CAPN1: variants seen among roughly 807,000 people sequenced by gnomAD.
The protein encoded by CAPN1 is calpain 1, also known as calpain-1 catalytic subunit.
In CAPN1, 77 loss-of-function variants were observed where a neutral mutation model predicts 105.2. The ratio of observed to expected loss-of-function variants is 0.73; its 90% CI spans 0.61 to 0.88. The LOEUF (loss-of-function observed/expected upper bound fraction) is 0.88. Ranked by LOEUF, CAPN1 falls within the 40% of genes least tolerant of loss-of-function variation. The probability of loss-of-function intolerance (pLI) is 0.00; values close to 1 mark genes in which losing one functional copy is unlikely to be tolerated. For synonymous variants in CAPN1, 355 were observed against 388.8 expected, an observed-to-expected ratio of 0.91 and a Z score of 1.02; for missense variants, 833 against 976.6, an observed-to-expected ratio of 0.85 and a Z score of 1.96.
At position 65,185,974 on chromosome 11, in the gene CAPN1, G is replaced by A; in HGVS notation, c.514G>A (p.Asp172Asn). Residue 172 changes from aspartate (D) to asparagine (N), a missense_variant, in exon 5 of 22, where the codon GAC becomes AAC. Coordinates refer to ENST00000279247, the MANE Select transcript of CAPN1 (RefSeq NM_005186.4). The part of the protein sequence containing the change: ...VVVDDLLPIK[D>N]GKLVFVHSAE... ...CGTGGATGACCTGCTGCCCATCAAG[G>A]ACGGGAAGCTAGTGTTCGTGCACTC... 1.2e-6 allele frequency: 2 copies of A among 1,602,386 alleles called. No homozygotes were observed. Among genetic ancestry groups the A allele is most frequent in the Non-Finnish European group, 1.7e-6 (2 of 1,174,416 alleles).
chr11:65,191,075 T>A (rs1462523777), intron 10 of CAPN1, among the ~76,000 whole-genome samples: 2 of 152,236 alleles, frequency 1.3e-5, no homozygotes, highest in Non-Finnish European at 2.9e-5. Context: ...GAAAAACCAT[T>A]TTGAGATTTT....
chr11:65,209,952 G>A lies in CAPN1; in HGVS notation c.1863+35G>A, dbSNP rs772550539. On this transcript the variant is annotated intron_variant, in intron 18 of 21. Coordinates refer to ENST00000279247, the MANE Select transcript of CAPN1 (RefSeq NM_005186.4). The surrounding 1 kb of genome is among the most constrained non-coding windows in gnomAD (Gnocchi z 4.1). The stretch of plus-strand genomic sequence containing the variant: ...CCCCACTCACCTCAGTCATGCAGGT[G>A]CGGGCCGGGCAGGTGGGAAGGGCCG... 1.2e-6 allele frequency: 2 copies of A among 1,612,810 alleles called. No individual in the cohort carries two copies. The highest frequency in any genetic ancestry group is 1.1e-5 in the South Asian group (1 of 91,066).
Position 65,208,422 on chromosome 11 carries a change from C to T in CAPN1, c.1729+160C>T. The T allele has an allele frequency of 1.4e-6, 1 of 695,330 alleles. No homozygotes were observed. Among genetic ancestry groups the T allele is most frequent in the Admixed American group, 2.2e-5 (1 of 46,410 alleles). 43.1% of individuals were successfully genotyped at this position (695,330 alleles called of 1,614,324 possible). A position where few individuals can be genotyped will look rare whatever the true frequency, so the allele number is the denominator to read the frequency against. On this transcript the variant is annotated intron_variant, in intron 16 of 21. Transcript: ENST00000279247. This position sits in a 1 kb window ranked among gnomAD's most constrained non-coding sequence, Gnocchi z 4.1. ...AGTTCCCTGCCATTTCCATCCCATACTCCTCCTCCTGACCTGCCATCCTGA... is the reference window on the plus strand; with the variant it reads ...AGTTCCCTGCCATTTCCATCCCATATTCCTCCTCCTGACCTGCCATCCTGA...
rs552760543 is a variant in CAPN1 at position 65,188,299 on chromosome 11, T to C, written c.930-115T>C. On this transcript the variant is annotated intron_variant, in intron 8 of 21. Transcript: ENST00000279247. This position sits in a 1 kb window ranked among gnomAD's most constrained non-coding sequence, Gnocchi z 5.5. Reference sequence around the variant, plus strand: ...GAAGCGGAACCTTGGCGCTTGACCTTGAGGAGGCCACCTGGGCTGGGCCGG... The same window carrying C: ...GAAGCGGAACCTTGGCGCTTGACCTCGAGGAGGCCACCTGGGCTGGGCCGG... The C allele has an allele frequency of 4.5e-5, 43 of 946,550 alleles. No individual in the cohort carries two copies. In the Admixed American group the frequency reaches 9.5e-4, roughly 21 times the overall value. 58.6% of individuals were successfully genotyped at this position (946,550 alleles called of 1,614,324 possible). A position where few individuals can be genotyped will look rare whatever the true frequency, so the allele number is the denominator to read the frequency against.
chr11:65,204,893 G>C (rs774248308), intron 11 of CAPN1, 35 bp downstream of exon 11: 1 of 1,570,804 alleles, frequency 6.4e-7, no homozygotes, highest in Non-Finnish European at 8.7e-7. Flanking sequence ...ATCTCACTGA[G>C]CAGGCAGAGG....
At chr11:65,192,351 A>G (rs549059455) in intron 10 of CAPN1, among the ~76,000 whole-genome samples, 1 of 152,352 alleles carries the variant, frequency 6.6e-6, no homozygotes, top group East Asian at 1.9e-4. Context: ...TTCCTTTCTT[A>G]TACTAACCAT....
chr11:65,181,617 C>A (rs562239019), upstream of CAPN1: 8 of 407,514 alleles, frequency 2.0e-5, no homozygotes, highest in Non-Finnish European at 3.4e-5. This position sits in a 1 kb window ranked among gnomAD's most constrained non-coding sequence, Gnocchi z 4.6. Flanking sequence ...AAAAATACCC[C>A]CTGCCCGGCC....
In CAPN1 at chr11:65,188,072, T is replaced by C. The variant is rs776612964; in HGVS notation, c.929+32T>C. On this transcript the variant is annotated intron_variant, in intron 8 of 21. Coordinates refer to ENST00000279247, the MANE Select transcript of CAPN1 (RefSeq NM_005186.4). This position sits in a 1 kb window ranked among gnomAD's most constrained non-coding sequence, Gnocchi z 5.5. Reference sequence around the variant, plus strand: ...GGCAGTGGGCACTGTCTGGAGTGCCTTGGGGAAACTGTTAGGTGCCCCGAC... The same window carrying C: ...GGCAGTGGGCACTGTCTGGAGTGCCCTGGGGAAACTGTTAGGTGCCCCGAC... 2.1e-6 allele frequency: 3 copies of C among 1,422,770 alleles called. No individual in the cohort carries two copies. The highest frequency in any genetic ancestry group is 1.9e-6 in the Non-Finnish European group (2 of 1,041,068). The allele number at this position is 1,422,770 out of a possible 1,614,324, so 88.1% of individuals were successfully genotyped here. A position where few individuals can be genotyped will look rare whatever the true frequency, so the allele number is the denominator to read the frequency against.
At chr11:65,193,390 A>G (rs1017398577) in intron 10 of CAPN1, among the ~76,000 whole-genome samples, 1 of 151,922 alleles carries the variant, frequency 6.6e-6, no homozygotes, top group Non-Finnish European at 1.5e-5. Context: ...GAAGTTTGTC[A>G]ATATAAATCT....
rs1208006455 is a variant in CAPN1, at chr11:65,186,212, A to C, written c.633A>C (p.Ser211=). 1 of 1,613,718 alleles carries C rather than the reference A, an allele frequency of 6.2e-7. No individual in the cohort carries two copies. Among genetic ancestry groups the C allele is most frequent in the African/African-American group, 1.3e-5 (1 of 75,010 alleles). The change falls in exon 6 of 22, where the codon TCA becomes TCC. Residue 211 remains serine, a synonymous_variant. Coordinates refer to ENST00000279247, the MANE Select transcript of CAPN1 (RefSeq NM_005186.4). The part of the protein sequence containing the change: ...SYEALSGGST[S]EGFEDFTGGV... ...AGGCCCTGTCAGGGGGCAGCACCTC[A>C]GAGGGCTTTGAGGACTTCACAGGCG...
At chr11:65,184,551 C>A (rs1309565093) in intron 4 of CAPN1, among the ~76,000 whole-genome samples, 2 of 150,312 alleles carry the variant, frequency 1.3e-5, no homozygotes, top group East Asian at 2.0e-4. Flanking sequence ...TGACCCCAGA[C>A]GCCTTCGGCC....
intron 10 of CAPN1, among the ~76,000 whole-genome samples, chr11:65,201,236 G>A (rs1334779919): frequency 1.3e-5 from 2 of 151,538 alleles, no homozygotes; most frequent in African/African-American, 4.9e-5. Context: ...GAGCCACCAC[G>A]CCTGGTCGTC....
Position 65,210,193 on chromosome 11 carries a change from C to T in CAPN1, c.1942+97C>T. The T allele has an allele frequency of 8.4e-7, 1 of 1,188,936 alleles. No individual in the cohort carries two copies. Among genetic ancestry groups the T allele is most frequent in the Non-Finnish European group, 1.2e-6 (1 of 800,282 alleles). The allele number at this position is 1,188,936 out of a possible 1,614,324, so 73.6% of individuals were successfully genotyped here. The stretch of plus-strand genomic sequence containing the variant: ...CTTGTCCCTGGGGTGCTAGTGGTGA[C>T]ATGGTAACAGCCATCTTGTCCTTTT... On this transcript the variant is annotated intron_variant, in intron 19 of 21. Coordinates refer to ENST00000279247, the MANE Select transcript of CAPN1 (RefSeq NM_005186.4). This position sits in a 1 kb window ranked among gnomAD's most constrained non-coding sequence, Gnocchi z 4.3.
At chr11:65,205,634 C>A in intron 11 of CAPN1, 76 bp from the exon 12 acceptor site, 2 of 1,442,262 alleles carry the variant, frequency 1.4e-6, no homozygotes, top group Non-Finnish European at 2.0e-6. Context: ...GAACTCAAGA[C>A]CTCTGCCCAG....
At chr11:65,206,963 C>A in intron 14 of CAPN1, 144 bp downstream of exon 14, 1 of 718,008 alleles carries the variant, frequency 1.4e-6, no homozygotes. Flanking sequence ...TAGTGCTAAT[C>A]CCTCATCCGC....
chr11:65,201,364 G>A (rs1381108152), intron 10 of CAPN1, among the ~76,000 whole-genome samples: 1 of 152,114 alleles, frequency 6.6e-6, no homozygotes, highest in African/African-American at 2.4e-5. Context: ...TGGGATTACA[G>A]TCCATCAGCC....
In CAPN1 at chr11:65,183,579, T is replaced by C; in HGVS notation, c.443T>C (p.Ile148Thr). Residue 148 changes from isoleucine (I) to threonine (T), a missense_variant, in exon 4 of 22, where the codon ATC becomes ACC. Ile to Thr is a moderately conservative substitution (Grantham distance 89). Coordinates refer to ENST00000279247, the MANE Select transcript of CAPN1 (RefSeq NM_005186.4). ...GQSFQNGYAG[I>T]FHFQLWQFGE... is the part of the protein sequence containing the mutation. ...AGCTTCCAGAATGGCTATGCCGGCA[T>C]CTTCCATTTCCAGGTGAGGGCTCCC... 1 of 1,612,596 alleles carries C rather than the reference T, an allele frequency of 6.2e-7. No individual in the cohort carries two copies. Among genetic ancestry groups the C allele is most frequent in the Non-Finnish European group, 8.5e-7 (1 of 1,178,638 alleles).
rs1051071079 is a variant in CAPN1 at position 65,210,671 on chromosome 11, G to A, written c.2060-143G>A. 1.2e-5 allele frequency: 9 copies of A among 764,564 alleles called. No homozygotes were observed. Among genetic ancestry groups the A allele is most frequent in the Non-Finnish European group, 2.1e-5 (9 of 433,560 alleles). The allele number at this position is 764,564 out of a possible 1,614,324, so 47.4% of individuals were successfully genotyped here. ...GGCTTCTCAGGCAGCAGGAAGGGGT[G>A]AAGCTTCCCAGCTTCAAGGGGTGTC... On this transcript the variant is annotated intron_variant, in intron 20 of 21. Coordinates refer to ENST00000279247, the MANE Select transcript of CAPN1 (RefSeq NM_005186.4). The surrounding 1 kb of genome is among the most constrained non-coding windows in gnomAD (Gnocchi z 4.3).
At chr11:65,191,435 T>C (rs1259501769) in intron 10 of CAPN1, among the ~76,000 whole-genome samples, 2 of 152,222 alleles carry the variant, frequency 1.3e-5, no homozygotes, top group Non-Finnish European at 1.5e-5. Context: ...TATGTATTTT[T>C]TGGCACGATC....
Sources: allele counts gnomAD v4.1 joint callset (sites outside exome capture counted in the v4.1 genomes callset), GRCh38; gene constraint gnomAD v4.1.1; non-coding constraint Gnocchi (gnomAD v3.1); transcripts MANE v1.5; gene names NCBI Gene and HGNC (gene_info 2026-07-23, HGNC 2026-07-21).